PRPF18: variants seen among roughly 807,000 people sequenced by gnomAD.
PRPF18 encodes the protein pre-mRNA processing factor 18.
A neutral mutation model predicts 46.5 loss-of-function variants in PRPF18; 38 were observed. That is an observed-to-expected ratio of 0.82 (90% CI 0.63 to 1.07). The LOEUF is 1.07. Among genes scored for constraint, PRPF18 ranks in the 50% least tolerant of loss-of-function variants. The pLI is 0.00. For synonymous variants in PRPF18, 152 were observed against 146.7 expected, an observed-to-expected ratio of 1.04 and a Z score of -0.26; for missense variants, 263 against 410.0, an observed-to-expected ratio of 0.64 and a Z score of 3.10.
chr10:13,633,179 C>A (rs543408448), downstream of PRPF18, among the ~76,000 whole-genome samples: 1 of 152,062 alleles, frequency 6.6e-6, no homozygotes, highest in Non-Finnish European at 1.5e-5. Context: ...AAGGACAGTC[C>A]GAATCTCGTA....
At chr10:13,649,398 T>G in the PRPF18 span, 6 of 152,256 alleles carry the variant, frequency 3.9e-5, no homozygotes, top group East Asian at 1.2e-3. Context: ...TATGGAGGCT[T>G]CTGGGTCACA....
downstream of PRPF18, chr10:13,631,005 C>G (rs1186470565): frequency 6.6e-6 from 1 of 152,188 alleles, no homozygotes; most frequent in East Asian, 1.9e-4. Flanking sequence ...GATGGCACAT[C>G]ATAGCAAACT....
intron 1 of PRPF18, among the ~76,000 whole-genome samples, chr10:13,596,652 A>G (rs943508666): frequency 6.6e-6 from 1 of 152,236 alleles, no homozygotes; most frequent in African/African-American, 2.4e-5. Context: ...AGATGTAACA[A>G]TAAGGATAAT....
intron 3 of PRPF18, among the ~76,000 whole-genome samples, chr10:13,605,059 A>G (rs2080164348): frequency 6.6e-6 from 1 of 152,232 alleles, no homozygotes; most frequent in Admixed American, 6.5e-5. Flanking sequence ...GTTCAGTGAT[A>G]AAATTAATAA....
chr10:13,619,008 T>C (rs1324688494), intron 9 of PRPF18, among the ~76,000 whole-genome samples: 1 of 152,218 alleles, frequency 6.6e-6, no homozygotes, highest in African/African-American at 2.4e-5. Flanking sequence ...AGGATGAAAC[T>C]GTTCCACCTC....
rs907359996 is a variant in PRPF18 at position 13,611,698 on chromosome 10, C to T, written c.579+15C>T. On this transcript the variant is annotated intron_variant, in intron 6 of 9. Transcript: ENST00000378572. ...AATTCCTGAAGGTGCGTGTCTTAGGCGAGGGGATGAGGATGCCTTGGATCC... is the reference window on the plus strand; with the variant it reads ...AATTCCTGAAGGTGCGTGTCTTAGGTGAGGGGATGAGGATGCCTTGGATCC... The T allele has an allele frequency of 4.4e-6, 7 of 1,609,016 alleles. No homozygotes were observed. The highest frequency in any genetic ancestry group is 2.2e-5 in the South Asian group (2 of 90,938).
intron 9 of PRPF18, among the ~76,000 whole-genome samples, chr10:13,621,231 C>T (rs1170237845): frequency 1.3e-5 from 2 of 152,212 alleles, no homozygotes; most frequent in Admixed American, 6.5e-5. Context: ...CTACTCTTAT[C>T]CTTCCTCACT....
chr10:13,618,727 C>T (rs1270026205), intron 9 of PRPF18, among the ~76,000 whole-genome samples: 1 of 151,194 alleles, frequency 6.6e-6, no homozygotes. Context: ...TTCTCCAGGG[C>T]AAGAACATAG....
chr10:13,619,859 A>G (rs2080398210), intron 9 of PRPF18, among the ~76,000 whole-genome samples: 1 of 151,900 alleles, frequency 6.6e-6, no homozygotes, highest in South Asian at 2.1e-4. Flanking sequence ...TTGAAAAAAA[A>G]GTATTCTCCT....
At chr10:13,607,875 A>G (rs866893185) in intron 4 of PRPF18, among the ~76,000 whole-genome samples, 1 of 152,224 alleles carries the variant, frequency 6.6e-6, no homozygotes, top group African/African-American at 2.4e-5. Context: ...ATGGCTTAGC[A>G]TATGGTTTAT....
chr10:13,588,240 C>A (rs1264281131), intron 1 of PRPF18, among the ~76,000 whole-genome samples: 3 of 152,110 alleles, frequency 2.0e-5, no homozygotes, highest in Non-Finnish European at 4.4e-5. Flanking sequence ...AACCCCGTCT[C>A]TACTAAAAAC....
intron 9 of PRPF18, among the ~76,000 whole-genome samples, chr10:13,624,505 C>T (rs1589137092): frequency 6.6e-6 from 1 of 152,194 alleles, no homozygotes; most frequent in African/African-American, 2.4e-5. Context: ...ATAAGTAGTC[C>T]AGAGGTTGCC....
At chr10:13,596,592 A>G (rs992286629) in intron 1 of PRPF18, among the ~76,000 whole-genome samples, 2 of 152,206 alleles carry the variant, frequency 1.3e-5, no homozygotes, top group Non-Finnish European at 2.9e-5. Flanking sequence ...TTGGAATAAT[A>G]TCCAAGAGGC....
chr10:13,592,899 G>A (rs2079985439), intron 1 of PRPF18, among the ~76,000 whole-genome samples: 1 of 152,154 alleles, frequency 6.6e-6, no homozygotes. Context: ...AATCAAAACA[G>A]CATAGCGCTG....
chr10:13,588,276 G>T (rs1025491304), intron 1 of PRPF18, among the ~76,000 whole-genome samples: 6 of 152,106 alleles, frequency 3.9e-5, no homozygotes, highest in Non-Finnish European at 5.9e-5. Context: ...GCGTGGTGGT[G>T]CGCGCCTGTA....
chr10:13,649,313 G>A, the PRPF18 span: 1 of 130,698 alleles, frequency 7.7e-6, no homozygotes, highest in African/African-American at 2.7e-5. Context: ...TGAGGTTAAG[G>A]GTTCCTGTGG....
chr10:13,602,359 A>T (rs1308654717), intron 3 of PRPF18, among the ~76,000 whole-genome samples: 1 of 152,128 alleles, frequency 6.6e-6, no homozygotes, highest in Non-Finnish European at 1.5e-5. Flanking sequence ...GCAGATCAAC[A>T]TATTTATATG....
intron 2 of PRPF18, among the ~76,000 whole-genome samples, chr10:13,598,744 A>T (rs1163086715): frequency 6.6e-6 from 1 of 152,152 alleles, no homozygotes; most frequent in Non-Finnish European, 1.5e-5. Context: ...AGGAACTCTC[A>T]TTTTTGCCTT....
chr10:13,644,494 T>A, the PRPF18 span: 1 of 152,240 alleles, frequency 6.6e-6, no homozygotes, highest in Non-Finnish European at 1.5e-5. Context: ...TGATGTTTGT[T>A]GGAACTGTAA....
Sources: gnomAD v4.1 joint callset for allele counts (sites outside exome capture counted in the v4.1 genomes callset) on GRCh38, gnomAD v4.1.1 for gene constraint, MANE v1.5 for transcripts, NCBI Gene and HGNC (gene_info 2026-07-23, HGNC 2026-07-21) for gene names.